Variants in PEX7 observed in about 807,000 individuals in gnomAD.
The protein encoded by PEX7 is PTS2 receptor.
A neutral mutation model predicts 47.5 loss-of-function variants in PEX7; 34 were observed. That is an observed-to-expected ratio of 0.72 (90% CI 0.54 to 0.95). PEX7 has a LOEUF of 0.95. Ranked by LOEUF, PEX7 falls within the 40% of genes least tolerant of loss-of-function variation. PEX7 has a pLI of 0.00. For missense variants in PEX7, 394 were observed against 400.3 expected (o/e 0.98, Z 0.13); for synonymous variants, 141 against 148.8 (o/e 0.95, Z 0.38).
chr6:136,876,526 T>C (rs781389167), intron 8 of PEX7, among the ~76,000 whole-genome samples: 4 of 152,182 alleles, frequency 2.6e-5, no homozygotes, highest in Non-Finnish European at 5.9e-5. Flanking sequence ...TGTGTGGTGT[T>C]CACCTCCCTG....
chr6:136,858,715 G>C (rs1314297320), intron 5 of PEX7, among the ~76,000 whole-genome samples: 1 of 152,188 alleles, frequency 6.6e-6, no homozygotes, highest in African/African-American at 2.4e-5. Flanking sequence ...TTGCATGTCT[G>C]TTTTCAAAGG....
At chr6:136,891,570 C>A (rs991997425) in intron 8 of PEX7, among the ~76,000 whole-genome samples, 2 of 151,680 alleles carry the variant, frequency 1.3e-5, no homozygotes, top group African/African-American at 4.8e-5. Flanking sequence ...TTAATCCAGT[C>A]ATGCAAATAA....
At chr6:136,909,409 G>A (rs1042826114) in intron 9 of PEX7, among the ~76,000 whole-genome samples, 3 of 152,108 alleles carry the variant, frequency 2.0e-5, no homozygotes, top group Admixed American at 6.5e-5. Flanking sequence ...TTTTTATTAT[G>A]TGAGGGGCTC....
chr6:136,876,316 C>T lies in PEX7; in HGVS notation c.803+4063C>T, dbSNP rs903428589. On this transcript the variant is annotated intron_variant, in intron 8 of 9. Transcript: ENST00000318471. ...CCTCCCAAAGTGCTGGGATTACAGGCGTGAGCCACTGCGCCCGGCCGATTA... is the reference window on the plus strand; with the variant it reads ...CCTCCCAAAGTGCTGGGATTACAGGTGTGAGCCACTGCGCCCGGCCGATTA... Among the ~76,000 whole-genome samples the T allele has an allele frequency of 4.6e-5, 7 of 152,156 alleles. No homozygotes were observed. In the South Asian group the frequency reaches 6.2e-4, roughly 13 times the overall value.
chr6:136,865,771 C>G (rs535159987), intron 5 of PEX7, among the ~76,000 whole-genome samples: 30 of 151,666 alleles, frequency 2.0e-4, no homozygotes, highest in African/African-American at 7.3e-4. Flanking sequence ...GAGCAAGACT[C>G]TGTCTCAAAA....
chr6:136,909,312 A>G (rs1775896366), intron 9 of PEX7, among the ~76,000 whole-genome samples: 1 of 143,468 alleles, frequency 7.0e-6, no homozygotes, highest in Non-Finnish European at 1.5e-5. Flanking sequence ...CTGAAATTAA[A>G]AACAAACAAA....
chr6:136,906,214 C>G (rs1000363947), intron 9 of PEX7, among the ~76,000 whole-genome samples: 3 of 151,900 alleles, frequency 2.0e-5, no homozygotes, highest in African/African-American at 7.3e-5. Flanking sequence ...GAACATGGTT[C>G]TAAAAATTGT....
intron 1 of PEX7, among the ~76,000 whole-genome samples, chr6:136,823,982 C>G (rs765226967): frequency 7.2e-5 from 11 of 152,222 alleles, no homozygotes; most frequent in Non-Finnish European, 1.5e-4. Context: ...CTATTATACG[C>G]ACTGAAGCGA....
intron 2 of PEX7, 112 bp downstream of exon 2, chr6:136,825,383 G>A (rs1004041732): frequency 1.2e-5 from 11 of 888,710 alleles, no homozygotes; most frequent in Non-Finnish European, 2.0e-5. Context: ...AGGAACCTTG[G>A]CGTTTGCATA....
intron 5 of PEX7, 125 bp downstream of exon 5, chr6:136,846,306 G>T: frequency 2.0e-6 from 1 of 487,902 alleles, no homozygotes; most frequent in Non-Finnish European, 3.7e-6. Flanking sequence ...ATTCTTTTGT[G>T]TTCTTAAGAC....
chr6:136,867,000 T>C lies in PEX7; in HGVS notation c.633+267T>C, dbSNP rs150695382. Among the ~76,000 whole-genome samples the C allele has an allele frequency of 5.3e-5, 8 of 152,344 alleles. No homozygotes were observed. The East Asian group carries it at 7.7e-4, about 15-fold the overall frequency. On this transcript the variant is annotated intron_variant, in intron 6 of 9. Coordinates refer to ENST00000318471, the MANE Select transcript of PEX7 (RefSeq NM_000288.4). ...TTGTTTGTTTTGGGAAGCTGCCTTATGTAATTTTTTTCTTTATTGCTCTTA... is the reference window on the plus strand; with the variant it reads ...TTGTTTGTTTTGGGAAGCTGCCTTACGTAATTTTTTTCTTTATTGCTCTTA...
chr6:136,894,312 C>T (rs1291420583), intron 8 of PEX7, among the ~76,000 whole-genome samples: 3 of 152,114 alleles, frequency 2.0e-5, no homozygotes, highest in Non-Finnish European at 4.4e-5. Context: ...CAAAAATTAG[C>T]AGGGGATGGT....
At chr6:136,899,487 A>G (rs1775715555) in intron 9 of PEX7, among the ~76,000 whole-genome samples, 1 of 151,682 alleles carries the variant, frequency 6.6e-6, no homozygotes, top group Non-Finnish European at 1.5e-5. Flanking sequence ...CAAGTGATCC[A>G]CCTGCTTTGG....
intron 3 of PEX7, among the ~76,000 whole-genome samples, chr6:136,840,782 C>T (rs1247537734): frequency 6.6e-6 from 1 of 152,162 alleles, no homozygotes; most frequent in Non-Finnish European, 1.5e-5. Flanking sequence ...TTCCCTGAAT[C>T]TGGCAAGCTT....
At chr6:136,834,225 C>T in intron 3 of PEX7, among the ~76,000 whole-genome samples, 1 of 152,210 alleles carries the variant, frequency 6.6e-6, no homozygotes, top group South Asian at 2.1e-4. Context: ...TGGAGTCTCA[C>T]TCTGTTGCCC....
At chr6:136,874,856 T>TC (rs1359000076) in intron 8 of PEX7, among the ~76,000 whole-genome samples, 1 of 151,998 alleles carries the variant, frequency 6.6e-6, no homozygotes, top group African/African-American at 2.4e-5. Flanking sequence ...ACTACTTTTT[T>TC]CAGCTGGGTG....
At chr6:136,831,261 AAGAG>A (rs1000209185) in intron 3 of PEX7, among the ~76,000 whole-genome samples, 3 of 151,892 alleles carry the variant, frequency 2.0e-5, no homozygotes, top group Non-Finnish European at 2.9e-5. Context: ...GAGAGAGAGA[AAGAG>A]AGAGAGAGAA....
intron 3 of PEX7, among the ~76,000 whole-genome samples, chr6:136,836,564 T>G (rs924532712): frequency 6.6e-6 from 1 of 152,216 alleles, no homozygotes; most frequent in Non-Finnish European, 1.5e-5. Context: ...TCTATCAAAT[T>G]GGTGCCATAA....
At chr6:136,836,106 A>G (rs1371991441) in intron 3 of PEX7, among the ~76,000 whole-genome samples, 1 of 152,196 alleles carries the variant, frequency 6.6e-6, no homozygotes, top group African/African-American at 2.4e-5. Context: ...TAAAAAGCAT[A>G]TGTAGGAGAA....
Sources: allele counts gnomAD v4.1 joint callset (sites outside exome capture counted in the v4.1 genomes callset), GRCh38; gene constraint gnomAD v4.1.1; transcripts MANE v1.5; gene names NCBI Gene and HGNC (gene_info 2026-07-23, HGNC 2026-07-21).